ADCY8: variants seen among roughly 807,000 people sequenced by gnomAD.
The protein encoded by ADCY8 is adenylate cyclase 8.
Under a neutral mutation model 119.7 loss-of-function variants are expected in ADCY8, and 51 were observed. That is an observed-to-expected ratio of 0.43 (90% CI 0.34 to 0.54). The LOEUF is 0.54. ADCY8 is among the 20% of genes least tolerant of loss of function. ADCY8 has a pLI of 0.03. For missense variants in ADCY8, 1,383 were observed against 1,598.8 expected, an observed-to-expected ratio of 0.87 and a Z score of 2.30; for synonymous variants, 665 against 651.0, an observed-to-expected ratio of 1.02 and a Z score of -0.33.
At chr8:130,867,329 G>A (rs993209468) in intron 9 of ADCY8, among the ~76,000 whole-genome samples, 1 of 152,138 alleles carries the variant, frequency 6.6e-6, no homozygotes, top group Non-Finnish European at 1.5e-5. Context: ...ACTATTATGA[G>A]CCTCAGTTCC....
intron 2 of ADCY8, among the ~76,000 whole-genome samples, chr8:130,977,145 C>G (rs965981737): frequency 6.6e-6 from 1 of 152,162 alleles, no homozygotes; most frequent in African/African-American, 2.4e-5. Context: ...AGAAACTGCC[C>G]GGGTCGGGTG....
intron 5 of ADCY8, among the ~76,000 whole-genome samples, chr8:130,917,947 C>T (rs529755128): frequency 6.6e-6 from 1 of 152,270 alleles, no homozygotes; most frequent in South Asian, 2.1e-4. Context: ...CACATCTGGC[C>T]CTGTAGCCTG....
intron 12 of ADCY8, among the ~76,000 whole-genome samples, chr8:130,821,652 C>T (rs1816513412): frequency 6.6e-6 from 1 of 152,194 alleles, no homozygotes; most frequent in Non-Finnish European, 1.5e-5. Context: ...ATTCTAGAGT[C>T]TAGTGTCTAG....
At chr8:130,827,321 T>C (rs968941031) in intron 12 of ADCY8, among the ~76,000 whole-genome samples, 4 of 152,180 alleles carry the variant, frequency 2.6e-5, no homozygotes, top group African/African-American at 9.7e-5. Context: ...AGATGGTGGC[T>C]CCATCTTCTC....
rs183264641 is a variant in ADCY8, at chr8:130,865,778, T to C, written c.2210+2068A>G. Among the ~76,000 whole-genome samples, 11 of 152,280 alleles carry C rather than the reference T, an allele frequency of 7.2e-5. No homozygotes were observed. The East Asian group carries it at 1.5e-3, about 21-fold the overall frequency. On this transcript the variant is annotated intron_variant, in intron 9 of 17. Coordinates refer to ENST00000286355, the MANE Select transcript of ADCY8 (RefSeq NM_001115.3). ...CCCACTTTAACCTGTATAGCCCTTA[T>C]TGTAAGTGATTTTGATTTCACTCAC...
intron 9 of ADCY8, among the ~76,000 whole-genome samples, chr8:130,850,298 G>A (rs1817479079): frequency 6.6e-6 from 1 of 152,168 alleles, no homozygotes; most frequent in African/African-American, 2.4e-5. Context: ...TTTGAGACAT[G>A]GGTAAGGAGA....
chr8:131,010,286 A>G (rs1260287383), intron 1 of ADCY8, among the ~76,000 whole-genome samples: 1 of 152,214 alleles, frequency 6.6e-6, no homozygotes, highest in African/African-American at 2.4e-5. Context: ...ATTGAGTGTT[A>G]TGGGGAGATG....
At chr8:130,956,786 T>C (rs1465950748) in intron 2 of ADCY8, among the ~76,000 whole-genome samples, 1 of 152,218 alleles carries the variant, frequency 6.6e-6, no homozygotes, top group Admixed American at 6.5e-5. Flanking sequence ...CTAGATTTGA[T>C]GGTTTGATAA....
At chr8:130,960,179 G>T (rs1586608084) in intron 2 of ADCY8, among the ~76,000 whole-genome samples, 1 of 152,238 alleles carries the variant, frequency 6.6e-6, no homozygotes, top group East Asian at 1.9e-4. Flanking sequence ...TGTGAAAGAG[G>T]GAAAGAGGGG....
chr8:130,945,612 G>A (rs866462790), intron 3 of ADCY8, among the ~76,000 whole-genome samples: 3 of 152,220 alleles, frequency 2.0e-5, no homozygotes, highest in Non-Finnish European at 1.5e-5. Context: ...TTCCTTAAAC[G>A]TGTTAGCTTT....
intron 1 of ADCY8, among the ~76,000 whole-genome samples, chr8:131,020,851 A>G (rs1376151738): frequency 1.3e-5 from 2 of 152,190 alleles, no homozygotes; most frequent in African/African-American, 4.8e-5. Flanking sequence ...CTTGGGAAAT[A>G]GTCCCACTAG....
intron 11 of ADCY8, among the ~76,000 whole-genome samples, chr8:130,844,665 C>T (rs576656895): frequency 9.9e-5 from 15 of 152,224 alleles, no homozygotes; most frequent in African/African-American, 3.4e-4. Flanking sequence ...AGCATGTGTG[C>T]GCACATACAC....
chr8:130,783,369 T>A (rs1815147245), intron 17 of ADCY8, among the ~76,000 whole-genome samples: 1 of 152,218 alleles, frequency 6.6e-6, no homozygotes, highest in South Asian at 2.1e-4. Flanking sequence ...AAATGACTGA[T>A]TAGTCAGCTA....
chr8:130,825,104 G>T (rs545940263), intron 12 of ADCY8, among the ~76,000 whole-genome samples: 7 of 152,130 alleles, frequency 4.6e-5, no homozygotes, highest in Non-Finnish European at 7.3e-5. Flanking sequence ...GGCACAGAGC[G>T]ATGTTTCAAT....
At chr8:130,794,915 G>C (rs534936892) in intron 15 of ADCY8, among the ~76,000 whole-genome samples, 1 of 152,178 alleles carries the variant, frequency 6.6e-6, no homozygotes, top group Non-Finnish European at 1.5e-5. Flanking sequence ...CAATGCCCTT[G>C]CAGGTAACTT....
rs768603039 is a variant in ADCY8, at chr8:130,951,912, C to A, written c.1197G>T (p.Gln399His). The change falls in exon 3 of 18, where the codon CAG (glutamine) becomes CAT (histidine). Residue 399 changes from glutamine (Q) to histidine (H), a missense_variant. Transcript: ENST00000286355. ...DMTNVEDEHL[Q>H]HQFHRIYIHR... is the part of the protein sequence containing the mutation. ...GGATGTAGATCCGATGGAACTGGTG[C>A]TGCAGGTGCTCATCTTCCACATTGG... The A allele has an allele frequency of 2.5e-6, 4 of 1,613,954 alleles. No individual in the cohort carries two copies. Among genetic ancestry groups the A allele is most frequent in the African/African-American group, 2.7e-5 (2 of 74,880 alleles).
chr8:130,812,028 T>C (rs1349938053), intron 14 of ADCY8, among the ~76,000 whole-genome samples: 1 of 152,218 alleles, frequency 6.6e-6, no homozygotes, highest in Non-Finnish European at 1.5e-5. Context: ...ATCTGCTCCA[T>C]TATCAAGAAC....
At chr8:130,807,911 G>C (rs1262251636) in intron 14 of ADCY8, among the ~76,000 whole-genome samples, 2 of 134,888 alleles carry the variant, frequency 1.5e-5, no homozygotes, top group Non-Finnish European at 3.1e-5. Context: ...GTGAACCCGG[G>C]AGGCGGAGCT....
At chr8:130,882,368 G>A (rs1288684371) in intron 8 of ADCY8, among the ~76,000 whole-genome samples, 1 of 152,054 alleles carries the variant, frequency 6.6e-6, no homozygotes, top group Non-Finnish European at 1.5e-5. Context: ...TGAAAGCCTT[G>A]TTTTAATTTT....
Sources: gnomAD v4.1 joint callset for allele counts (sites outside exome capture counted in the v4.1 genomes callset) on GRCh38, gnomAD v4.1.1 for gene constraint, MANE v1.5 for transcripts, NCBI Gene and HGNC (gene_info 2026-07-23, HGNC 2026-07-21) for gene names.